Variants in SGCZ observed in about 807,000 individuals in gnomAD.
SGCZ encodes the protein zeta-sarcoglycan.
Under a neutral mutation model 41.3 loss-of-function variants are expected in SGCZ, and 40 were observed. The ratio of observed to expected loss-of-function variants is 0.97; its 90% CI spans 0.75 to 1.26. SGCZ has a LOEUF of 1.26. SGCZ is among the 50% of genes most tolerant of loss of function. The pLI is 0.00. For missense variants in SGCZ, 552 were observed against 369.8 expected, an observed-to-expected ratio of 1.49 and a Z score of -4.04; for synonymous variants, 206 against 137.5, an observed-to-expected ratio of 1.50 and a Z score of -3.49.
chr8:14,473,215 T>G (rs1421614195), intron 2 of SGCZ, among the ~76,000 whole-genome samples: 1 of 152,160 alleles, frequency 6.6e-6, no homozygotes, highest in Non-Finnish European at 1.5e-5. Context: ...ACTCTCTTTA[T>G]GTATTAGAGA....
chr8:14,801,750 T>A (rs1423368455), intron 1 of SGCZ, among the ~76,000 whole-genome samples: 1 of 152,166 alleles, frequency 6.6e-6, no homozygotes, highest in African/African-American at 2.4e-5. Context: ...AAGAAATGAC[T>A]GAAATGATTC....
chr8:14,208,581 A>G (rs1329285932), intron 4 of SGCZ, among the ~76,000 whole-genome samples: 1 of 152,188 alleles, frequency 6.6e-6, no homozygotes, highest in Non-Finnish European at 1.5e-5. Context: ...TTATGAAACA[A>G]ACTCAATATT....
intron 1 of SGCZ, among the ~76,000 whole-genome samples, chr8:15,090,219 A>C (rs1262346911): frequency 2.0e-5 from 3 of 152,212 alleles, no homozygotes; most frequent in African/African-American, 7.2e-5. Flanking sequence ...TTTCCCATTT[A>C]CTCACATACT....
At chr8:14,869,036 C>T (rs528308529) in intron 1 of SGCZ, among the ~76,000 whole-genome samples, 1 of 152,258 alleles carries the variant, frequency 6.6e-6, no homozygotes, top group South Asian at 2.1e-4. Flanking sequence ...ACCATTCCTT[C>T]TGAAACTATT....
At chr8:14,693,582 C>CTTTTTT (rs67757752) in intron 1 of SGCZ, among the ~76,000 whole-genome samples, 2 of 61,554 alleles carry the variant, frequency 3.2e-5, no homozygotes, top group African/African-American at 1.5e-4. Context: ...CCACGACTGG[C>CTTTTTT]TTTTTTTTTT....
At chr8:14,212,294 G>C (rs73528745) in intron 4 of SGCZ, among the ~76,000 whole-genome samples, 1 of 151,954 alleles carries the variant, frequency 6.6e-6, no homozygotes. Context: ...CCTACCAGGG[G>C]AGCAACTCTC....
chr8:14,467,454 TC>T (rs766904136), intron 2 of SGCZ, among the ~76,000 whole-genome samples: 1 of 152,020 alleles, frequency 6.6e-6, no homozygotes, highest in Non-Finnish European at 1.5e-5. Context: ...GAGGACAGAA[TC>T]CTTTTTGCCA....
intron 2 of SGCZ, among the ~76,000 whole-genome samples, chr8:14,397,953 A>T (rs1262402199): frequency 3.3e-5 from 5 of 152,158 alleles, no homozygotes; most frequent in Non-Finnish European, 5.9e-5. Context: ...GCAGCTAGAC[A>T]TTCTGATGAA....
intron 1 of SGCZ, among the ~76,000 whole-genome samples, chr8:14,641,775 G>C (rs904677794): frequency 1.3e-5 from 2 of 151,586 alleles, no homozygotes; most frequent in Non-Finnish European, 3.0e-5. Flanking sequence ...GTATGGGCTA[G>C]TAAAACTGTA....
intron 1 of SGCZ, among the ~76,000 whole-genome samples, chr8:14,879,595 GAC>G (rs33933535): frequency 0.19 from 27,542 of 146,862 alleles, 3,576 homozygotes; most frequent in African/African-American, 0.37. Flanking sequence ...CAGACACACA[GAC>G]ACACACACAC....
At chr8:14,367,125 C>T (rs950246297) in intron 2 of SGCZ, among the ~76,000 whole-genome samples, 1 of 152,122 alleles carries the variant, frequency 6.6e-6, no homozygotes, top group African/African-American at 2.4e-5. Context: ...AATCATCTTT[C>T]TCATGTTCGA....
chr8:14,870,063 A>G (rs1804089614), intron 1 of SGCZ, among the ~76,000 whole-genome samples: 1 of 152,216 alleles, frequency 6.6e-6, no homozygotes, highest in Non-Finnish European at 1.5e-5. Flanking sequence ...TTCTTCACAG[A>G]ACTAGAAAAA....
chr8:14,222,898 A>G (rs969353185), intron 4 of SGCZ, among the ~76,000 whole-genome samples: 1 of 132,464 alleles, frequency 7.5e-6, no homozygotes, highest in Admixed American at 9.3e-5. Context: ...TGTAACCTCT[A>G]CATGCCGGGT....
In SGCZ at chr8:15,208,368, G is replaced by C. The variant is rs57560136; in HGVS notation, c.39+29217C>G. ...TCTGACTAACGCATCCAAATAATAT[G>C]CTGGTAATCTGTTCTAATGACTCTT... On this transcript the variant is annotated intron_variant, in intron 1 of 7. Transcript: ENST00000382080. Among the ~76,000 whole-genome samples, 1,157 of 152,278 alleles carry C rather than the reference G, an allele frequency of 7.6e-3. 13 individuals carry two copies. The highest frequency in any genetic ancestry group is 0.025 in the African/African-American group (1,033 of 41,566).
intron 1 of SGCZ, among the ~76,000 whole-genome samples, chr8:14,710,721 C>A (rs1203034029): frequency 1.3e-5 from 2 of 151,996 alleles, no homozygotes; most frequent in Non-Finnish European, 1.5e-5. Flanking sequence ...TTTAAAATAA[C>A]CTACTTTTAT....
intron 2 of SGCZ, among the ~76,000 whole-genome samples, chr8:14,532,788 T>A (rs1435123794): frequency 6.6e-6 from 1 of 151,520 alleles, no homozygotes; most frequent in Non-Finnish European, 1.5e-5. Context: ...TTCACTTAAA[T>A]TGACTACAAA....
At chr8:15,012,244 C>G (rs1399460409) in intron 1 of SGCZ, among the ~76,000 whole-genome samples, 2 of 151,782 alleles carry the variant, frequency 1.3e-5, no homozygotes, top group African/African-American at 4.8e-5. Context: ...GGGAGGATCA[C>G]TTAAGACCAA....
chr8:15,171,844 A>G (rs1180992484), intron 1 of SGCZ, among the ~76,000 whole-genome samples: 2 of 152,184 alleles, frequency 1.3e-5, no homozygotes, highest in Non-Finnish European at 2.9e-5. Flanking sequence ...TAAAATCATG[A>G]GCAACTGCAT....
intron 1 of SGCZ, among the ~76,000 whole-genome samples, chr8:14,704,368 A>T (rs575766340): frequency 6.6e-6 from 1 of 152,170 alleles, no homozygotes; most frequent in African/African-American, 2.4e-5. Context: ...TAACTCACAC[A>T]TGTATGTTCA....
Sources: allele counts gnomAD v4.1 joint callset (sites outside exome capture counted in the v4.1 genomes callset), GRCh38; gene constraint gnomAD v4.1.1; transcripts MANE v1.5; gene names NCBI Gene and HGNC (gene_info 2026-07-23, HGNC 2026-07-21).